SPARCL1: variants seen among roughly 807,000 people sequenced by gnomAD.
SPARCL1 encodes SPARC-like protein 1.
In SPARCL1, 52 loss-of-function variants were observed where a neutral mutation model predicts 67.1. The ratio of observed to expected loss-of-function variants is 0.78; its 90% CI spans 0.62 to 0.98. The LOEUF is 0.98. Ranked by LOEUF, SPARCL1 falls within the 50% of genes least tolerant of loss-of-function variation. The pLI, the probability that SPARCL1 is intolerant of heterozygous loss-of-function variation, is 0.00. For missense variants in SPARCL1, 717 were observed against 782.4 expected (o/e 0.92, Z 1.00); for synonymous variants, 226 against 267.8 (o/e 0.84, Z 1.52).
At chr4:87,509,865 G>C (rs967706083) in intron 1 of SPARCL1, among the ~76,000 whole-genome samples, 6 of 152,220 alleles carry the variant, frequency 3.9e-5, no homozygotes, top group African/African-American at 7.2e-5. Context: ...ATGTGTGACA[G>C]CTGTGTGGAG....
chr4:87,528,815 T>C (rs1454484156), intron 1 of SPARCL1, among the ~76,000 whole-genome samples: 1 of 152,158 alleles, frequency 6.6e-6, no homozygotes, highest in Non-Finnish European at 1.5e-5. Context: ...TTCACTAAAA[T>C]CACCATCATT....
At chr4:87,478,052 G>T (rs180735901) in intron 10 of SPARCL1, among the ~76,000 whole-genome samples, 400 of 152,240 alleles carry the variant, frequency 2.6e-3, no homozygotes, top group African/African-American at 9.1e-3. Flanking sequence ...ATGCATGGGG[G>T]ATATTTTAAA....
intron 1 of SPARCL1, among the ~76,000 whole-genome samples, chr4:87,510,965 G>A (rs1319574058): frequency 6.6e-6 from 1 of 152,258 alleles, no homozygotes; most frequent in Non-Finnish European, 1.5e-5. Flanking sequence ...AAAGTGGCCA[G>A]TTCCTGCCTT....
chr4:87,484,834 A>G (rs1723985468), intron 7 of SPARCL1, among the ~76,000 whole-genome samples: 1 of 152,104 alleles, frequency 6.6e-6, no homozygotes, highest in South Asian at 2.1e-4. Flanking sequence ...GCAATTGCAA[A>G]TGGGCATTCA....
At chr4:87,509,791 ATGTG>A (rs1210704753) in intron 1 of SPARCL1, among the ~76,000 whole-genome samples, 5 of 152,214 alleles carry the variant, frequency 3.3e-5, no homozygotes, top group Non-Finnish European at 7.3e-5. Context: ...GTGTGCACGC[ATGTG>A]TGTATGTCTG....
At chr4:87,475,920 C>G (rs907967539) in intron 10 of SPARCL1, among the ~76,000 whole-genome samples, 1 of 152,202 alleles carries the variant, frequency 6.6e-6, no homozygotes, top group Admixed American at 6.5e-5. Flanking sequence ...AAGACACATG[C>G]ACTCATATGC....
rs185481715 is a variant in SPARCL1, at chr4:87,514,831, C to T, written c.-12+14214G>A. ...GAAATGAGAGATATTTTGAAAACAA[C>T]TGTCATACTGAAGACTCAGGGAGGC... On this transcript the variant is annotated intron_variant, in intron 1 of 10. Coordinates refer to ENST00000282470, the MANE Select transcript of SPARCL1 (RefSeq NM_004684.6). Among the ~76,000 whole-genome samples, 459 of 152,304 alleles carry T rather than the reference C, an allele frequency of 3.0e-3. 7 individuals carry two copies. Among genetic ancestry groups the T allele is most frequent in the Non-Finnish European group, 1.7e-3 (114 of 68,026 alleles).
Position 87,493,771 on chromosome 4 carries a change from A to G in SPARCL1, c.1029T>C (p.Asp343=), listed in dbSNP as rs1206558111. Residue 343 remains aspartate (D), a synonymous_variant, in exon 4 of 11, where the codon GAT becomes GAC. Coordinates refer to ENST00000282470, the MANE Select transcript of SPARCL1 (RefSeq NM_004684.6). ...CATCAGTGCCGCCATCATCGCCATC[A>G]TCATCGCCATCATCATCAACTCCAT... is the stretch of plus-strand genomic sequence containing the variant. The part of the protein sequence containing the change: ...RNHGVDDDGD[D]DGDDGGTDGP... 3 of 1,613,990 alleles carry G rather than the reference A, an allele frequency of 1.9e-6. No individual in the cohort carries two copies. In the African/African-American group the frequency reaches 4.0e-5, roughly 22 times the overall value.
intron 1 of SPARCL1, 75 bp from the exon 2 acceptor site, chr4:87,499,660 A>G: frequency 1.9e-6 from 2 of 1,031,356 alleles, no homozygotes; most frequent in Non-Finnish European, 3.0e-6. Flanking sequence ...GTCTTAGCAA[A>G]TACTGAGCTT....
chr4:87,497,921 A>C (rs1019214079), intron 2 of SPARCL1, among the ~76,000 whole-genome samples: 9 of 151,996 alleles, frequency 5.9e-5, no homozygotes, highest in African/African-American at 2.2e-4. Flanking sequence ...CAGCTGGCTA[A>C]TTTTTTATTT....
At chr4:87,491,944 A>ACC (rs34145512) in intron 4 of SPARCL1, among the ~76,000 whole-genome samples, 1 of 26,860 alleles carries the variant, frequency 3.7e-5, no homozygotes, top group Non-Finnish European at 6.5e-5. Flanking sequence ...ATCTCTACCC[A>ACC]CCCCCCCCCC....
At chr4:87,499,134 C>T (rs909720224) in intron 2 of SPARCL1, among the ~76,000 whole-genome samples, 1 of 152,156 alleles carries the variant, frequency 6.6e-6, no homozygotes, top group Non-Finnish European at 1.5e-5. Flanking sequence ...TCTCAGCCTC[C>T]CGAAGTGCTG....
chr4:87,499,450 C>A, intron 2 of SPARCL1, 71 bp downstream of exon 2: 1 of 1,232,854 alleles, frequency 8.1e-7, no homozygotes, highest in African/African-American at 1.5e-5. Flanking sequence ...AGAACATTTT[C>A]TTTTAAATGG....
At chr4:87,522,646 C>T (rs1286601535) in intron 1 of SPARCL1, among the ~76,000 whole-genome samples, 1 of 88,890 alleles carries the variant, frequency 1.1e-5, no homozygotes, top group Non-Finnish European at 2.2e-5. Flanking sequence ...ACCAAACACA[C>T]ACACACACAC....
At chr4:87,480,820 CTTT>C (rs1553967987) in intron 8 of SPARCL1, among the ~76,000 whole-genome samples, 2 of 133,378 alleles carry the variant, frequency 1.5e-5, no homozygotes, top group Non-Finnish European at 1.7e-5. Context: ...ATGTTCGCTG[CTTT>C]TTTTTTTTTT....
chr4:87,483,451 G>GTA (rs1375899194), intron 7 of SPARCL1, among the ~76,000 whole-genome samples: 2 of 152,206 alleles, frequency 1.3e-5, no homozygotes, highest in African/African-American at 4.8e-5. Flanking sequence ...ATTCCATGGT[G>GTA]TATATGTGTC....
intron 5 of SPARCL1, among the ~76,000 whole-genome samples, chr4:87,491,177 G>A (rs1480816599): frequency 2.0e-5 from 3 of 152,182 alleles, no homozygotes; most frequent in African/African-American, 4.8e-5. Context: ...TGCCTGAGAT[G>A]GTCATAGTCT....
rs779257267 is a variant in SPARCL1 at position 87,525,053 on chromosome 4, C to T, written c.-12+3992G>A. Among the ~76,000 whole-genome samples, 25 of 151,962 alleles carry T rather than the reference C, an allele frequency of 1.6e-4. 1 individual carries two copies. Among genetic ancestry groups the T allele is most frequent in the Admixed American group, 7.9e-4 (12 of 15,272 alleles). Reference sequence around the variant, plus strand: ...TAGTACATGCCTGTAGTCCCAGCTACTCAGGAGGCTGAGGCACAAGAATCA... The same window carrying T: ...TAGTACATGCCTGTAGTCCCAGCTATTCAGGAGGCTGAGGCACAAGAATCA... On this transcript the variant is annotated intron_variant, in intron 1 of 10. Coordinates refer to ENST00000282470, the MANE Select transcript of SPARCL1 (RefSeq NM_004684.6).
intron 1 of SPARCL1, among the ~76,000 whole-genome samples, chr4:87,510,655 C>T (rs1410779222): frequency 1.3e-5 from 2 of 152,208 alleles, no homozygotes; most frequent in Non-Finnish European, 2.9e-5. Context: ...AAAAAATTCT[C>T]CACATTCGCC....
Sources: gnomAD v4.1 joint callset for allele counts (sites outside exome capture counted in the v4.1 genomes callset) on GRCh38, gnomAD v4.1.1 for gene constraint, MANE v1.5 for transcripts, NCBI Gene and HGNC (gene_info 2026-07-23, HGNC 2026-07-21) for gene names.